Variants in CDC14A observed in about 807,000 individuals in gnomAD.
CDC14A encodes cell division cycle 14A.
In CDC14A, 53 loss-of-function variants were observed where a neutral mutation model predicts 74.4. The ratio of observed to expected loss-of-function variants is 0.71; its 90% CI spans 0.57 to 0.89. The LOEUF is 0.89. Among genes scored for constraint, CDC14A ranks in the 40% least tolerant of loss-of-function variants. CDC14A has a pLI of 0.00. For synonymous variants in CDC14A, 247 were observed against 258.4 expected (o/e 0.96, Z 0.43); for missense variants, 646 against 713.7 (o/e 0.91, Z 1.08).
At chr1:100,345,925 C>T (rs1452491718) in intron 1 of CDC14A, among the ~76,000 whole-genome samples, 2 of 152,156 alleles carry the variant, frequency 1.3e-5, no homozygotes, top group Non-Finnish European at 2.9e-5. Flanking sequence ...GTAATCCCAG[C>T]ACTTAGGGAG....
rs1406700655 is a variant in CDC14A, at chr1:100,473,068, A to AT, written c.977+4978dup. The stretch of plus-strand genomic sequence containing the variant: ...CCACTTTCTTTTCCTTTTCATATAC[A>AT]TTTTAGAGTAAGCCTGTCTAAATCT... On this transcript the variant is annotated intron_variant, in intron 10 of 15. Transcript: ENST00000336454. Among the ~76,000 whole-genome samples the AT allele has an allele frequency of 5.8e-5, 8 of 138,564 alleles. No individual in the cohort carries two copies. In the South Asian group the frequency reaches 1.7e-3, roughly 29 times the overall value. 90.9% of individuals were successfully genotyped at this position (138,564 alleles called of 152,430 possible). A position where few individuals can be genotyped will look rare whatever the true frequency, so the allele number is the denominator to read the frequency against.
Position 100,462,268 on chromosome 1 carries a change from CTGTT to C in CDC14A, c.608-379_608-376del, listed in dbSNP as rs986746745. Reference sequence around the variant, plus strand: ...AAAAAGCTTCAGCTGTAGTTGAAAACTGTTTGTCAAGTAGAGAATAAAGCTCAAG... The same window carrying C: ...AAAAAGCTTCAGCTGTAGTTGAAAACTGTCAAGTAGAGAATAAAGCTCAAG... On this transcript the variant is annotated intron_variant, in intron 8 of 15. Coordinates refer to ENST00000336454, the MANE Select transcript of CDC14A (RefSeq NM_003672.4). 2.0e-4 allele frequency: 39 copies of C among 199,708 alleles called. No individual in the cohort carries two copies. The East Asian group carries it at 3.0e-3, about 15-fold the overall frequency. 12.4% of individuals were successfully genotyped at this position (199,708 alleles called of 1,614,324 possible).
rs182877911 is a variant in CDC14A, at chr1:100,466,727, G to A, written c.839-1229G>A. On this transcript the variant is annotated intron_variant, in intron 9 of 15. Transcript: ENST00000336454. ...CTCTACTAAAAATACAAAATTAGCCGGGCATGGTGGTGCATGCCTGTAATC... is the reference window on the plus strand; with the variant it reads ...CTCTACTAAAAATACAAAATTAGCCAGGCATGGTGGTGCATGCCTGTAATC... Among the ~76,000 whole-genome samples, 947 of 152,100 alleles carry A rather than the reference G, an allele frequency of 6.2e-3. 10 individuals are homozygous for A. The highest frequency in any genetic ancestry group is 0.022 in the African/African-American group (915 of 41,492).
At chr1:100,427,946 TG>T (rs1663153784) in intron 5 of CDC14A, among the ~76,000 whole-genome samples, 1 of 152,180 alleles carries the variant, frequency 6.6e-6, no homozygotes, top group Non-Finnish European at 1.5e-5. Context: ...ATGCCTTTCA[TG>T]TTAGGATGAA....
chr1:100,395,105 G>A lies in CDC14A; in HGVS notation c.309+4281G>A, dbSNP rs199692025. Among the ~76,000 whole-genome samples the A allele has an allele frequency of 6.6e-5, 10 of 152,162 alleles. No homozygotes were observed. In the East Asian group the frequency reaches 7.7e-4, roughly 12 times the overall value. ...GTTCCTGTTCCTAAAATGTGGAATC[G>A]GCCCTCTGTTAAGTGGCATTGACTG... On this transcript the variant is annotated intron_variant, in intron 4 of 15. Coordinates refer to ENST00000336454, the MANE Select transcript of CDC14A (RefSeq NM_003672.4).
intron 4 of CDC14A, among the ~76,000 whole-genome samples, chr1:100,396,887 G>A (rs371509357): frequency 6.6e-6 from 1 of 152,100 alleles, no homozygotes; most frequent in Non-Finnish European, 1.5e-5. Context: ...ATATCTAAGT[G>A]GGGGGAGACT....
At chr1:100,420,076 A>ATATATATATATATATATATATATATATC (rs1662158253) in intron 4 of CDC14A, among the ~76,000 whole-genome samples, 1 of 112,374 alleles carries the variant, frequency 8.9e-6, no homozygotes, top group Non-Finnish European at 1.8e-5. Context: ...ATATATATAT[A>ATATATATATATATATATATATATATATC]TATATAGTGT....
intron 2 of CDC14A, among the ~76,000 whole-genome samples, chr1:100,361,398 A>G (rs935586410): frequency 6.6e-6 from 1 of 152,220 alleles, no homozygotes; most frequent in Admixed American, 6.5e-5. Flanking sequence ...AGAAAGGAAG[A>G]GATTATTGCT....
At chr1:100,488,247 T>C (rs1670248291) in intron 11 of CDC14A, among the ~76,000 whole-genome samples, 1 of 152,208 alleles carries the variant, frequency 6.6e-6, no homozygotes, top group African/African-American at 2.4e-5. Flanking sequence ...TTTAGGCACT[T>C]GACATTAATG....
At chr1:100,433,354 G>A (rs1030300630) in intron 5 of CDC14A, among the ~76,000 whole-genome samples, 3 of 152,138 alleles carry the variant, frequency 2.0e-5, no homozygotes, top group Admixed American at 6.5e-5. Context: ...TAAAAGACAC[G>A]TTTCCCGTCC....
At chr1:100,481,463 A>G (rs1669465393) in intron 10 of CDC14A, among the ~76,000 whole-genome samples, 1 of 152,234 alleles carries the variant, frequency 6.6e-6, no homozygotes, top group South Asian at 2.1e-4. Context: ...AATATTCACT[A>G]TAACAGTGTG....
intron 15 of CDC14A, chr1:100,504,699 C>T (rs1649078891): frequency 1.1e-5 from 8 of 748,598 alleles, no homozygotes; most frequent in African/African-American, 8.7e-5. Context: ...AGTGCTAGAA[C>T]ATAAATACTG....
chr1:100,492,025 A>G (rs1670757666), intron 11 of CDC14A, among the ~76,000 whole-genome samples: 2 of 151,910 alleles, frequency 1.3e-5, no homozygotes, highest in East Asian at 3.9e-4. Context: ...TGAGGGGAGG[A>G]AGTAAAAGTA....
chr1:100,424,133 A>C, intron 4 of CDC14A, 89 bp from the exon 5 acceptor site: 2 of 905,614 alleles, frequency 2.2e-6, no homozygotes, highest in Non-Finnish European at 3.7e-6. Flanking sequence ...GCTGTCACTC[A>C]AAGTGGAGGA....
intron 5 of CDC14A, among the ~76,000 whole-genome samples, chr1:100,433,160 C>T (rs1010011841): frequency 6.6e-6 from 1 of 152,112 alleles, no homozygotes; most frequent in African/African-American, 2.4e-5. Context: ...CAGGTGTGAG[C>T]CATCATGCCT....
chr1:100,449,280 G>T (rs1665882017), intron 7 of CDC14A, among the ~76,000 whole-genome samples: 1 of 152,146 alleles, frequency 6.6e-6, no homozygotes, highest in Non-Finnish European at 1.5e-5. Flanking sequence ...CTTCGATCAA[G>T]ACTTCACATT....
chr1:100,351,045 T>A (rs1650920902), upstream of CDC14A, among the ~76,000 whole-genome samples: 3 of 152,078 alleles, frequency 2.0e-5, no homozygotes, highest in South Asian at 6.2e-4. Flanking sequence ...AATACAAAAA[T>A]TAGCCGGGTG....
chr1:100,467,629 C>A (rs926680615), intron 9 of CDC14A, among the ~76,000 whole-genome samples: 5 of 152,114 alleles, frequency 3.3e-5, no homozygotes, highest in Admixed American at 6.6e-5. Flanking sequence ...ACCCCCCAGC[C>A]ACCCTTGCTT....
chr1:100,483,938 T>C (rs988612226), intron 10 of CDC14A, among the ~76,000 whole-genome samples: 2 of 152,200 alleles, frequency 1.3e-5, no homozygotes, highest in Non-Finnish European at 2.9e-5. Flanking sequence ...TAAATAGGCA[T>C]ATCAAATTGC....
Sources: gnomAD v4.1 joint callset for allele counts (sites outside exome capture counted in the v4.1 genomes callset) on GRCh38, gnomAD v4.1.1 for gene constraint, MANE v1.5 for transcripts, NCBI Gene and HGNC (gene_info 2026-07-23, HGNC 2026-07-21) for gene names.